The following PCDHA4 variants were observed in gnomAD, a reference collection of about 807,000 sequenced individuals.
PCDHA4 encodes the protein protocadherin alpha-4.
A neutral mutation model predicts 61.4 loss-of-function variants in PCDHA4; 49 were observed. The observed-to-expected ratio is 0.80, with a 90% confidence interval of 0.63 to 1.01. The LOEUF is 1.01. PCDHA4 is among the 50% of genes least tolerant of loss of function. PCDHA4 has a pLI of 0.00. For missense variants in PCDHA4, 1,254 were observed against 1,235.8 expected (o/e 1.01, Z -0.22); for synonymous variants, 590 against 550.3 (o/e 1.07, Z -1.01).
At chr5:140,941,644 C>T (rs1157047813) in intron 1 of PCDHA4, among the ~76,000 whole-genome samples, 2 of 152,034 alleles carry the variant, frequency 1.3e-5, no homozygotes, top group African/African-American at 4.8e-5. Flanking sequence ...TGTCTTCCTA[C>T]AACTTATGTC....
chr5:140,836,229 G>C, intron 1 of PCDHA4: 1 of 1,613,818 alleles, frequency 6.2e-7, no homozygotes, highest in Non-Finnish European at 8.5e-7. Flanking sequence ...ACCGGTGGCG[G>C]CCGGTGCGAG....
chr5:141,000,365 C>CTG (rs2097904906), intron 3 of PCDHA4, among the ~76,000 whole-genome samples: 2 of 12,832 alleles, frequency 1.6e-4, no homozygotes, highest in Non-Finnish European at 2.6e-4. Flanking sequence ...CTCTCTGTCT[C>CTG]TCTCTCTCTC....
At chr5:140,838,077 AGTG>A (rs1434205895) in intron 1 of PCDHA4, among the ~76,000 whole-genome samples, 27 of 80,700 alleles carry the variant, frequency 3.3e-4, no homozygotes, top group Middle Eastern at 7.4e-3. Flanking sequence ...ATATATATAT[AGTG>A]TGTGTGTGTG....
In PCDHA4 at chr5:141,009,694, A is replaced by G. The variant is rs782798367; in HGVS notation, c.2601A>G (p.Lys867=). The part of the protein sequence containing the change: ...AGVNSNSWTF[K]YGPGNPKQSG... ...TCAACAGCAACAGCTGGACCTTTAA[A>G]TACGGACCAGGCAACCCCAAACAAT... is the stretch of plus-strand genomic sequence containing the variant. The change falls in exon 4 of 4, where the codon AAA becomes AAG. Residue 867 remains lysine (K), a synonymous_variant. Transcript: ENST00000530339. 5 of 1,613,890 alleles carry G rather than the reference A, an allele frequency of 3.1e-6. No homozygotes were observed. In the Admixed American group the frequency reaches 6.7e-5, roughly 22 times the overall value.
At chr5:140,860,381 A>C (rs550712376) in intron 1 of PCDHA4, 4 of 152,246 alleles carry the variant, frequency 2.6e-5, no homozygotes, top group African/African-American at 9.6e-5. Context: ...ACCCTATTTC[A>C]AAAATTGAAA....
At chr5:140,830,681 G>A (rs112940654) in intron 1 of PCDHA4, 1 of 335,664 alleles carries the variant, frequency 3.0e-6, no homozygotes, top group East Asian at 6.0e-5. Flanking sequence ...AGAAATCACT[G>A]TCCACAATCT....
In PCDHA4 at chr5:140,851,944, C is replaced by G; in HGVS notation, c.2385+42372C>G. The G allele has an allele frequency of 1.7e-5, 16 of 969,410 alleles. 1 individual carries two copies. Among genetic ancestry groups the G allele is most frequent in the Non-Finnish European group, 2.0e-5 (16 of 802,504 alleles). The allele number at this position is 969,410 out of a possible 1,614,324, so 60.1% of individuals were successfully genotyped here. A position where few individuals can be genotyped will look rare whatever the true frequency, so the allele number is the denominator to read the frequency against. On this transcript the variant is annotated intron_variant, in intron 1 of 3. Transcript: ENST00000530339. ...ATGTTTCCTGAATTGTAGTATGTGA[C>G]TTTCAAAATGGTGGTTTTCCACACT...
At chr5:140,889,637 G>A (rs184352635) in intron 1 of PCDHA4, among the ~76,000 whole-genome samples, 5 of 151,668 alleles carry the variant, frequency 3.3e-5, no homozygotes, top group Admixed American at 3.3e-4. Context: ...CTTTTCATTT[G>A]TGTTTGCAGG....
At position 140,808,087 on chromosome 5, in the gene PCDHA4, A is replaced by G. The variant is rs782664292; in HGVS notation, c.900A>G (p.Gly300=). ...AGTTTCACATAGATCCAATTACTGG[A>G]CAAATTATTGTAAAGGGATATATTG... ...KSKFHIDPIT[G]QIIVKGYIDF... is the part of the protein sequence containing the mutation. Residue 300 remains glycine (G), a synonymous_variant, in exon 1 of 4, where the codon GGA becomes GGG. Transcript: ENST00000530339. The G allele has an allele frequency of 5.6e-6, 9 of 1,613,970 alleles. No individual in the cohort carries two copies. The South Asian group carries it at 9.9e-5, about 18-fold the overall frequency.
At chr5:140,864,188 T>C (rs1367092956) in intron 1 of PCDHA4, 1 of 152,142 alleles carries the variant, frequency 6.6e-6, no homozygotes, top group Non-Finnish European at 1.5e-5. Flanking sequence ...TGAATAATGA[T>C]CCTTATGAGA....
At chr5:140,849,528 G>T in intron 1 of PCDHA4, 4 of 1,597,792 alleles carry the variant, frequency 2.5e-6, no homozygotes, top group Non-Finnish European at 3.4e-6. Flanking sequence ...GGATGTAAAT[G>T]ACAATGCTCC....
rs144735555 is a variant in PCDHA4 at position 140,884,569 on chromosome 5, G to C, written c.2385+74997G>C. The stretch of plus-strand genomic sequence containing the variant: ...GCTCTGGGGAGGGCCCGCATAAGAC[G>C]GACCTCATGGCCTTCAGTCCCAGCC... On this transcript the variant is annotated intron_variant, in intron 1 of 3. Transcript: ENST00000530339. 7 of 1,614,008 alleles carry C rather than the reference G, an allele frequency of 4.3e-6. No individual in the cohort carries two copies. In the African/African-American group the frequency reaches 8.0e-5, roughly 18 times the overall value.
At chr5:140,921,071 T>C (rs2080004942) in intron 1 of PCDHA4, among the ~76,000 whole-genome samples, 1 of 152,054 alleles carries the variant, frequency 6.6e-6, no homozygotes, top group Admixed American at 6.6e-5. Flanking sequence ...CCTTGAACTC[T>C]TGGGCTCAAG....
intron 1 of PCDHA4, chr5:140,823,390 G>C: frequency 1.9e-6 from 3 of 1,612,906 alleles, no homozygotes; most frequent in Non-Finnish European, 2.5e-6. Context: ...CGCGCGCGAC[G>C]CGGGCGTGCC....
intron 1 of PCDHA4, among the ~76,000 whole-genome samples, chr5:140,941,227 CTT>C (rs797022976): frequency 1.5e-5 from 2 of 136,000 alleles, no homozygotes; most frequent in Admixed American, 7.7e-5. Context: ...TTCTTTCTTT[CTT>C]TCTTTCTTTC....
chr5:140,824,623 T>TTATTTTTTTA (rs1768266110), intron 1 of PCDHA4: 3 of 132,188 alleles, frequency 2.3e-5, no homozygotes, highest in Middle Eastern at 3.2e-3. Context: ...TTTTTTTTTT[T>TTATTTTTTTA]TTTTTTTTTA....
chr5:140,843,708 G>T (rs2150365442), intron 1 of PCDHA4: 8 of 1,577,200 alleles, frequency 5.1e-6, no homozygotes, highest in African/African-American at 1.3e-5. Context: ...GTTGATCATG[G>T]CCTCAAAGTA....
chr5:140,871,113 G>C, intron 1 of PCDHA4: 1 of 1,613,306 alleles, frequency 6.2e-7, no homozygotes. Flanking sequence ...CGTTGGTGGA[G>C]AGCGGACAGG....
chr5:140,829,372 G>A (rs1770256415), intron 1 of PCDHA4: 2 of 1,614,208 alleles, frequency 1.2e-6, no homozygotes, highest in South Asian at 2.2e-5. Context: ...TGGTAACCGC[G>A]CGGGACGGGG....
Sources: allele counts gnomAD v4.1 joint callset (sites outside exome capture counted in the v4.1 genomes callset), GRCh38; gene constraint gnomAD v4.1.1; transcripts MANE v1.5; gene names NCBI Gene and HGNC (gene_info 2026-07-23, HGNC 2026-07-21).